HTR7: variants seen among roughly 807,000 people sequenced by gnomAD.
HTR7 encodes 5-hydroxytryptamine receptor 7, also known as 5-HT-7.
A neutral mutation model predicts 34.0 loss-of-function variants in HTR7; 16 were observed. The ratio of observed to expected loss-of-function variants is 0.47; its 90% CI spans 0.32 to 0.71. The LOEUF is 0.71. HTR7 is among the 30% of genes least tolerant of loss of function. The probability of loss-of-function intolerance (pLI) is 0.04; values close to 1 mark genes in which losing one functional copy is unlikely to be tolerated. For missense variants in HTR7, 504 were observed against 625.5 expected (o/e 0.81, Z 2.07); for synonymous variants, 265 against 260.2 (o/e 1.02, Z -0.18).
At chr10:90,763,489 T>C (rs1001194942) in intron 1 of HTR7, among the ~76,000 whole-genome samples, 1 of 152,236 alleles carries the variant, frequency 6.6e-6, no homozygotes, top group Admixed American at 6.5e-5. Context: ...GGGATACGTG[T>C]GCAGAACATG....
chr10:90,824,266 T>C (rs979304193), intron 1 of HTR7, among the ~76,000 whole-genome samples: 2 of 152,210 alleles, frequency 1.3e-5, no homozygotes, highest in African/African-American at 4.8e-5. Flanking sequence ...CAGACACACA[T>C]TGGGTCAGAA....
At chr10:90,839,569 T>G (rs1846298023) in intron 1 of HTR7, among the ~76,000 whole-genome samples, 1 of 152,186 alleles carries the variant, frequency 6.6e-6, no homozygotes, top group African/African-American at 2.4e-5. Context: ...GAGGCCATGA[T>G]GAAAGTGATA....
intron 1 of HTR7, among the ~76,000 whole-genome samples, chr10:90,766,708 T>C (rs1845031045): frequency 6.6e-6 from 1 of 152,242 alleles, no homozygotes; most frequent in Non-Finnish European, 1.5e-5. Context: ...TACAGGTCTT[T>C]CCTTTGTGTT....
chr10:90,848,681 A>G (rs751882387), intron 1 of HTR7, among the ~76,000 whole-genome samples: 8 of 152,260 alleles, frequency 5.3e-5, no homozygotes, highest in Non-Finnish European at 1.0e-4. Context: ...GACTCATTAT[A>G]GTATACTTGA....
chr10:90,784,666 C>T (rs1035943286), intron 1 of HTR7, among the ~76,000 whole-genome samples: 1 of 152,150 alleles, frequency 6.6e-6, no homozygotes, highest in Non-Finnish European at 1.5e-5. Flanking sequence ...AAGAGGTTTG[C>T]TTAAGGAATG....
chr10:90,782,358 A>T (rs756554251), intron 1 of HTR7, among the ~76,000 whole-genome samples: 1 of 152,202 alleles, frequency 6.6e-6, no homozygotes, highest in African/African-American at 2.4e-5. Flanking sequence ...TAATTATGTA[A>T]TAAGATTATA....
rs772476552 is a variant in HTR7 at position 90,748,937 on chromosome 10, G to C, written c.1197C>G (p.Leu399=). 4 of 1,614,076 alleles carry C rather than the reference G, an allele frequency of 2.5e-6. No homozygotes were observed. Among genetic ancestry groups the C allele is most frequent in the Non-Finnish European group, 3.4e-6 (4 of 1,180,036 alleles). Residue 399 remains leucine, a synonymous_variant, in exon 2 of 4, where the codon CTC becomes CTG. Coordinates refer to ENST00000336152, the MANE Select transcript of HTR7 (RefSeq NM_019859.4). ...RDLRTTYRSL[L]QCQYRNINRK... ...GGTTGATATTCCGGTACTGGCACTG[G>C]AGCAGGCTGCGATAGGTGGTCCTCA... is the stretch of plus-strand genomic sequence containing the variant.
intron 1 of HTR7, among the ~76,000 whole-genome samples, chr10:90,821,695 C>T (rs890554090): frequency 6.6e-6 from 1 of 152,140 alleles, no homozygotes; most frequent in Non-Finnish European, 1.5e-5. Context: ...GTTAGGTGTC[C>T]CCACCCAAAT....
At chr10:90,847,901 A>G (rs1309232089) in intron 1 of HTR7, among the ~76,000 whole-genome samples, 2 of 152,200 alleles carry the variant, frequency 1.3e-5, no homozygotes, top group Admixed American at 1.3e-4. Flanking sequence ...TAAAATACAT[A>G]TACAGGAAAG....
At chr10:90,849,770 A>G (rs1469172702) in intron 1 of HTR7, among the ~76,000 whole-genome samples, 1 of 152,244 alleles carries the variant, frequency 6.6e-6, no homozygotes, top group African/African-American at 2.4e-5. Flanking sequence ...TTGATACTTC[A>G]GACCAATGCT....
rs185619002 is a variant in HTR7 at position 90,841,872 on chromosome 10, C to T, written c.539+15261G>A. On this transcript the variant is annotated intron_variant, in intron 1 of 3. Transcript: ENST00000336152. ...AAAATTAGCCAGGCGTGATGGTGCA[C>T]GACTGTAATCGCAGCTACTTGGAAG... 1.6e-4 allele frequency among the ~76,000 whole-genome samples: 24 copies of T among 152,228 alleles called. No homozygotes were observed. The East Asian group carries it at 4.1e-3, about 26-fold the overall frequency.
intron 1 of HTR7, among the ~76,000 whole-genome samples, chr10:90,804,790 C>G (rs1845679084): frequency 6.6e-6 from 1 of 151,952 alleles, no homozygotes; most frequent in Non-Finnish European, 1.5e-5. Flanking sequence ...CTTTTTGGAT[C>G]CTGTCTTGGG....
intron 1 of HTR7, among the ~76,000 whole-genome samples, chr10:90,850,088 A>C (rs1020599450): frequency 4.6e-5 from 7 of 152,258 alleles, no homozygotes; most frequent in Non-Finnish European, 8.8e-5. Context: ...TCTTGGAGAT[A>C]GAGAGGCAAA....
intron 1 of HTR7, among the ~76,000 whole-genome samples, chr10:90,789,538 G>A (rs35731058): frequency 0.26 from 39,381 of 149,690 alleles, 5,412 homozygotes; most frequent in African/African-American, 0.35. Flanking sequence ...TCCAAGTGCC[G>A]AGACATGATC....
intron 1 of HTR7, among the ~76,000 whole-genome samples, chr10:90,824,156 T>C (rs1004230307): frequency 6.6e-6 from 1 of 152,068 alleles, no homozygotes; most frequent in Non-Finnish European, 1.5e-5. Flanking sequence ...GAGCAAAGAG[T>C]TGTCTTGCAA....
At chr10:90,855,391 A>G (rs567687434) in intron 1 of HTR7, among the ~76,000 whole-genome samples, 1 of 152,356 alleles carries the variant, frequency 6.6e-6, no homozygotes, top group East Asian at 1.9e-4. Context: ...AAGAGGAGAA[A>G]CACTGGCTGT....
intron 1 of HTR7, among the ~76,000 whole-genome samples, chr10:90,840,896 C>G (rs1846319657): frequency 6.6e-6 from 1 of 152,202 alleles, no homozygotes; most frequent in South Asian, 2.1e-4. Context: ...GGGACCTGAA[C>G]TCAGGTCTGT....
chr10:90,855,205 A>G (rs1480951639), intron 1 of HTR7, among the ~76,000 whole-genome samples: 1 of 152,256 alleles, frequency 6.6e-6, no homozygotes, highest in African/African-American at 2.4e-5. Context: ...TGTGACAATC[A>G]TAAGAATACA....
chr10:90,820,353 C>T (rs535994930), intron 1 of HTR7, among the ~76,000 whole-genome samples: 14 of 152,266 alleles, frequency 9.2e-5, no homozygotes, highest in Admixed American at 7.2e-4. Context: ...AATCTGAACA[C>T]GGTGTTCAGA....
Sources: gnomAD v4.1 joint callset for allele counts (sites outside exome capture counted in the v4.1 genomes callset) on GRCh38, gnomAD v4.1.1 for gene constraint, MANE v1.5 for transcripts, NCBI Gene and HGNC (gene_info 2026-07-23, HGNC 2026-07-21) for gene names.